FAM107B: variants seen among roughly 807,000 people sequenced by gnomAD.
The protein encoded by FAM107B is protein FAM107B.
Under a neutral mutation model 31.5 loss-of-function variants are expected in FAM107B, and 21 were observed. The observed-to-expected ratio is 0.67, with a 90% CI of 0.47 to 0.96. The LOEUF (loss-of-function observed/expected upper bound fraction) is 0.96, where lower values mean the gene tolerates loss of function less well. Among genes scored for constraint, FAM107B ranks in the 40% least tolerant of loss-of-function variants. The pLI is 0.00. For missense variants in FAM107B, 452 were observed against 377.1 expected, an observed-to-expected ratio of 1.20 and a Z score of -1.64; for synonymous variants, 157 against 141.5, an observed-to-expected ratio of 1.11 and a Z score of -0.78.
intron 1 of FAM107B, among the ~76,000 whole-genome samples, chr10:14,764,603 C>G (rs776305057): frequency 6.6e-6 from 1 of 152,090 alleles, no homozygotes; most frequent in Non-Finnish European, 1.5e-5. Flanking sequence ...ACTTGAGGAG[C>G]CATATTTTCT....
At chr10:14,672,586 C>T (rs1450721304) in intron 1 of FAM107B, among the ~76,000 whole-genome samples, 1 of 152,080 alleles carries the variant, frequency 6.6e-6, no homozygotes, top group Non-Finnish European at 1.5e-5. Context: ...CCTGATGGGA[C>T]CTCCATTCTA....
chr10:14,744,935 A>AT (rs1238953211), intron 1 of FAM107B, among the ~76,000 whole-genome samples: 1 of 151,106 alleles, frequency 6.6e-6, no homozygotes, highest in Non-Finnish European at 1.5e-5. Context: ...GTTTGTTTTT[A>AT]TTTTTGTTTT....
intron 2 of FAM107B, among the ~76,000 whole-genome samples, chr10:14,634,654 C>T (rs1347815594): frequency 1.3e-5 from 2 of 152,036 alleles, no homozygotes; most frequent in Non-Finnish European, 2.9e-5. Context: ...CAGGCAGAAA[C>T]TGGAGCAGGA....
At chr10:14,759,156 C>T (rs1832990517) in intron 1 of FAM107B, among the ~76,000 whole-genome samples, 1 of 150,368 alleles carries the variant, frequency 6.7e-6, no homozygotes, top group African/African-American at 2.5e-5. Context: ...CCAGCCTGGG[C>T]AACAAGAGTG....
chr10:14,644,598 A>T (rs1447278042), intron 2 of FAM107B, among the ~76,000 whole-genome samples: 1 of 152,252 alleles, frequency 6.6e-6, no homozygotes, highest in East Asian at 1.9e-4. Flanking sequence ...CATTTGCCAT[A>T]TGGCATTAAC....
rs138493374 is a variant in FAM107B at position 14,544,688 on chromosome 10, T to A, written c.470-14173A>T. Among the ~76,000 whole-genome samples, 421 of 152,268 alleles carry A rather than the reference T, an allele frequency of 2.8e-3. 4 individuals are homozygous for A. The highest frequency in any genetic ancestry group is 9.8e-3 in the African/African-American group (409 of 41,552). ...TTTACCCTAAAGACATCAACAGAGA[T>A]GTAGACAAGTGTACACAGAATGATA... On this transcript the variant is annotated intron_variant, in intron 2 of 4. Transcript: ENST00000181796.
chr10:14,628,409 C>T (rs1397293240), intron 2 of FAM107B, among the ~76,000 whole-genome samples: 1 of 152,172 alleles, frequency 6.6e-6, no homozygotes, highest in Admixed American at 6.5e-5. Context: ...TGAGCCACTG[C>T]ACCCGGCCCA....
chr10:14,630,927 T>G (rs1853338369), intron 2 of FAM107B, among the ~76,000 whole-genome samples: 1 of 152,146 alleles, frequency 6.6e-6, no homozygotes. Flanking sequence ...CAAATGCTAT[T>G]GTCTGAATTC....
intron 2 of FAM107B, among the ~76,000 whole-genome samples, chr10:14,593,610 C>T (rs1012575506): frequency 2.6e-5 from 4 of 151,782 alleles, no homozygotes; most frequent in Non-Finnish European, 5.9e-5. Context: ...AGGAGAATCG[C>T]TTGAACCTGG....
chr10:14,616,267 GA>G (rs1221884634), intron 2 of FAM107B, among the ~76,000 whole-genome samples: 1 of 152,102 alleles, frequency 6.6e-6, no homozygotes, highest in Non-Finnish European at 1.5e-5. Context: ...TTATATACAG[GA>G]AAAAATCTGA....
At chr10:14,616,462 G>A (rs1353529421) in intron 2 of FAM107B, among the ~76,000 whole-genome samples, 1 of 152,170 alleles carries the variant, frequency 6.6e-6, no homozygotes, top group Non-Finnish European at 1.5e-5. Context: ...ATCACACCAA[G>A]AAATGGATAA....
intron 2 of FAM107B, among the ~76,000 whole-genome samples, chr10:14,614,046 G>A (rs932225422): frequency 5.9e-5 from 9 of 152,106 alleles, no homozygotes; most frequent in African/African-American, 2.2e-4. Flanking sequence ...CAGAAGAATC[G>A]CTTGAACGTG....
At position 14,519,433 on chromosome 10, in the gene FAM107B, C is replaced by G. The variant is rs540001638; in HGVS notation, c.*1757G>C. 1 of 152,326 alleles carries G rather than the reference C, an allele frequency of 6.6e-6. No individual in the cohort carries two copies. The highest frequency in any genetic ancestry group is 2.1e-4 in the South Asian group (1 of 4,830). The allele number at this position is 152,326 out of a possible 1,614,324, so 9.4% of individuals were successfully genotyped here. On this transcript the variant is annotated 3_prime_UTR_variant, in exon 5 of 5. Transcript: ENST00000181796. ...GGCTTTTCAAGATCATCAGTCATCA[C>G]ACTTCCTTCTCTCAAAAGAACGATG...
intron 2 of FAM107B, among the ~76,000 whole-genome samples, chr10:14,632,934 C>T (rs959325257): frequency 3.3e-5 from 5 of 152,212 alleles, no homozygotes; most frequent in African/African-American, 1.2e-4. Context: ...CACAGTGGCT[C>T]ACACCTGTAA....
At chr10:14,628,479 G>A (rs149468683) in intron 2 of FAM107B, among the ~76,000 whole-genome samples, 1 of 152,266 alleles carries the variant, frequency 6.6e-6, no homozygotes, top group Non-Finnish European at 1.5e-5. Context: ...CAGTCTCTGA[G>A]AAGGTAACCC....
chr10:14,616,387 C>T (rs1852850667), intron 2 of FAM107B, among the ~76,000 whole-genome samples: 1 of 152,188 alleles, frequency 6.6e-6, no homozygotes, highest in African/African-American at 2.4e-5. Context: ...CACTCCTCTT[C>T]TGATGACATA....
intron 1 of FAM107B, among the ~76,000 whole-genome samples, chr10:14,734,332 A>C (rs781523937): frequency 4.6e-5 from 7 of 152,114 alleles, no homozygotes; most frequent in Non-Finnish European, 1.0e-4. Context: ...TTGCCCTTAC[A>C]TTGGCCCATC....
At chr10:14,640,892 T>C (rs907370430) in intron 2 of FAM107B, among the ~76,000 whole-genome samples, 9 of 152,282 alleles carry the variant, frequency 5.9e-5, no homozygotes, top group Admixed American at 2.6e-4. Context: ...CATTTTCCCC[T>C]TTTTTTAAAG....
chr10:14,575,423 G>C (rs998409858), intron 2 of FAM107B, among the ~76,000 whole-genome samples: 2 of 152,174 alleles, frequency 1.3e-5, no homozygotes, highest in East Asian at 3.9e-4. Flanking sequence ...GGCTGGTCTC[G>C]AATTCCTGAC....
Sources: gnomAD v4.1 joint callset for allele counts (sites outside exome capture counted in the v4.1 genomes callset) on GRCh38, gnomAD v4.1.1 for gene constraint, MANE v1.5 for transcripts, NCBI Gene and HGNC (gene_info 2026-07-23, HGNC 2026-07-21) for gene names.